The following BET1 variants were observed in gnomAD, a reference collection of about 807,000 sequenced individuals.
BET1 encodes BET1 homolog.
A neutral mutation model predicts 13.9 loss-of-function variants in BET1; 9 were observed. The observed-to-expected ratio is 0.65, with a 90% CI of 0.39 to 1.13. The LOEUF (loss-of-function observed/expected upper bound fraction) is 1.13, where lower values mean the gene tolerates loss of function less well. Among genes scored for constraint, BET1 ranks in the 50% most tolerant of loss-of-function variants. BET1 has a pLI of 0.01. For synonymous variants in BET1, 39 were observed against 47.3 expected, an observed-to-expected ratio of 0.82 and a Z score of 0.72; for missense variants, 127 against 133.6, an observed-to-expected ratio of 0.95 and a Z score of 0.24.
Position 94,004,327 on chromosome 7 carries a change from T to C in BET1, c.-111A>G. 3 of 1,448,522 alleles carry C rather than the reference T, an allele frequency of 2.1e-6. No individual in the cohort carries two copies. The South Asian group carries it at 3.4e-5, about 17-fold the overall frequency. The allele number at this position is 1,448,522 out of a possible 1,614,324, so 89.7% of individuals were successfully genotyped here. ...TACCAGGGCCCAGCGAAACACCAAC[T>C]TCTTCCCCTAAAGCGCCACGACATC... On this transcript the variant is annotated 5_prime_UTR_variant, in exon 1 of 4. Coordinates refer to ENST00000222547, the MANE Select transcript of BET1 (RefSeq NM_005868.6).
chr7:93,980,340 C>T (rs768152321), intron 4 of BET1, among the ~76,000 whole-genome samples: 1 of 152,218 alleles, frequency 6.6e-6, no homozygotes, highest in Non-Finnish European at 1.5e-5. Flanking sequence ...CAACAACAAA[C>T]AACTATAGGC....
rs1795973333 is a variant in BET1 at position 94,004,076 on chromosome 7, C to T, written c.19+122G>A. 3.6e-6 allele frequency: 5 copies of T among 1,392,470 alleles called. No individual in the cohort carries two copies. In the African/African-American group the frequency reaches 4.3e-5, roughly 12 times the overall value. 86.3% of individuals were successfully genotyped at this position (1,392,470 alleles called of 1,614,324 possible). A position where few individuals can be genotyped will look rare whatever the true frequency, so the allele number is the denominator to read the frequency against. On this transcript the variant is annotated intron_variant, in intron 1 of 3. Transcript: ENST00000222547. ...CCACTCGACATGGACCCCAAAGATC[C>T]CCTCTAGACATCCTGTTTTTTGGAC...
exon 7 of BET1, chr7:93,963,463 T>C (rs1015057828): frequency 1.3e-4 from 20 of 152,052 alleles, no homozygotes; most frequent in African/African-American, 4.8e-4. Context: ...TGACATACTA[T>C]ATATTTTATT....
intron 5 of BET1, among the ~76,000 whole-genome samples, chr7:93,974,437 T>C (rs552130003): frequency 1.2e-4 from 18 of 152,036 alleles, no homozygotes; most frequent in Non-Finnish European, 2.6e-4. Context: ...GATAAGACTT[T>C]AGCCCCATGC....
At chr7:93,975,785 G>A (rs937742909) in intron 5 of BET1, 1 of 391,762 alleles carries the variant, frequency 2.6e-6, no homozygotes, top group Non-Finnish European at 3.7e-6. Context: ...TTTCTCTTGA[G>A]TAATTGAAGA....
At chr7:93,976,069 A>G (rs1163886306) in exon 5 of BET1, 11 of 1,266,472 alleles carry the variant, frequency 8.7e-6, no homozygotes, top group African/African-American at 1.5e-5. Flanking sequence ...TTTCACTGCT[A>G]CTGGTGAAAT....
At chr7:93,971,873 TAAATGCTTTATTAAATG>T (rs1031231013) in intron 6 of BET1, among the ~76,000 whole-genome samples, 16 of 151,416 alleles carry the variant, frequency 1.1e-4, no homozygotes, top group Non-Finnish European at 1.9e-4. Context: ...AAGGTGCAGA[TAAATGCTTTATTAAATG>T]AAATGCTTTT....
intron 3 of BET1, 103 bp from the exon 4 acceptor site, chr7:93,994,488 G>T: frequency 7.9e-7 from 1 of 1,258,590 alleles, no homozygotes; most frequent in South Asian, 1.7e-5. Context: ...CATTTGTAAT[G>T]ACAGTTTTGT....
rs775325211 is a variant in BET1, at chr7:93,999,204, T to C, written c.110A>G (p.Glu37Gly). ...ACEEENERLT[E>G]SLRSKVTAIK... ...AGCAGTTACTTTGCTTCTCAGACTT[T>C]CAGTGAGCCTCTCATTTTCTTCTTC... The change falls in exon 2 of 4, where the codon GAA (glutamate) becomes GGA (glycine). Residue 37 changes from glutamate (E) to glycine (G), a missense_variant. Coordinates refer to ENST00000222547, the MANE Select transcript of BET1 (RefSeq NM_005868.6). 1 of 1,613,306 alleles carries C rather than the reference T, an allele frequency of 6.2e-7. No individual in the cohort carries two copies. The highest frequency in any genetic ancestry group is 8.5e-7 in the Non-Finnish European group (1 of 1,179,498).
At chr7:93,975,973 G>A (rs1795328673) in exon 5 of BET1, 1 of 1,274,502 alleles carries the variant, frequency 7.8e-7, no homozygotes, top group African/African-American at 1.5e-5. Flanking sequence ...TTCTGCAGCT[G>A]TGATAGATGG....
exon 7 of BET1, chr7:93,963,078 C>G (rs1213878468): frequency 6.6e-6 from 1 of 152,126 alleles, no homozygotes; most frequent in African/African-American, 2.4e-5. Flanking sequence ...GCCCATGTCA[C>G]AGATGCTCAT....
In BET1 at chr7:93,993,694, A is replaced by G; in HGVS notation, c.*536T>C. 1.5e-6 allele frequency: 2 copies of G among 1,350,542 alleles called. No individual in the cohort carries two copies. The highest frequency in any genetic ancestry group is 1.9e-6 in the Non-Finnish European group (2 of 1,057,404). The allele number at this position is 1,350,542 out of a possible 1,614,324, so 83.7% of individuals were successfully genotyped here. A position where few individuals can be genotyped will look rare whatever the true frequency, so the allele number is the denominator to read the frequency against. ...CAGAAAGAAATGAGGGGTCATTATC[A>G]TCAAAAATTATTAGGAAGATTGTAG... On this transcript the variant is annotated 3_prime_UTR_variant, in exon 4 of 4. Coordinates refer to ENST00000222547, the MANE Select transcript of BET1 (RefSeq NM_005868.6).
At chr7:93,969,287 A>G (rs551186843) in intron 6 of BET1, among the ~76,000 whole-genome samples, 207 of 151,940 alleles carry the variant, frequency 1.4e-3, no homozygotes, top group African/African-American at 4.7e-3. Flanking sequence ...TCATTTATCA[A>G]TTTGTTAATA....
chr7:93,992,535 C>A (rs981417130), downstream of BET1: 1 of 985,210 alleles, frequency 1.0e-6, no homozygotes, highest in African/African-American at 1.7e-5. Flanking sequence ...TCTGGTGTCA[C>A]ATACTTGACA....
chr7:93,996,143 G>C (rs766178655), intron 3 of BET1, 122 bp downstream of exon 3: 5 of 743,446 alleles, frequency 6.7e-6, no homozygotes. Context: ...AAACACATTA[G>C]ATACAAATGG....
At position 93,994,191 on chromosome 7, in the gene BET1, A is replaced by G. The variant is rs1165074607; in HGVS notation, c.*39T>C. The stretch of plus-strand genomic sequence containing the variant: ...TTTTATCAAAGTGGTACTGCAAGCC[A>G]TTAAGTTGGAACAAATTCCAAATTC... On this transcript the variant is annotated 3_prime_UTR_variant, in exon 4 of 4. Coordinates refer to ENST00000222547, the MANE Select transcript of BET1 (RefSeq NM_005868.6). The G allele has an allele frequency of 6.4e-7, 1 of 1,574,140 alleles. No homozygotes were observed. Among genetic ancestry groups the G allele is most frequent in the South Asian group, 1.2e-5 (1 of 84,582 alleles).
At chr7:93,994,935 C>G (rs986598216) in intron 3 of BET1, among the ~76,000 whole-genome samples, 5 of 152,212 alleles carry the variant, frequency 3.3e-5, no homozygotes, top group African/African-American at 4.8e-5. Flanking sequence ...TCTCTGCCTC[C>G]CAGGTTCAAG....
Position 93,993,669 on chromosome 7 carries a change from C to T in BET1, c.*561G>A, listed in dbSNP as rs1795689035. On this transcript the variant is annotated 3_prime_UTR_variant, in exon 4 of 4. Coordinates refer to ENST00000222547, the MANE Select transcript of BET1 (RefSeq NM_005868.6). ...TTATTTAAAGAATGAGGTCTTTGGGCAGAAAGAAATGAGGGGTCATTATCA... is the reference window on the plus strand; with the variant it reads ...TTATTTAAAGAATGAGGTCTTTGGGTAGAAAGAAATGAGGGGTCATTATCA... 2 of 1,319,060 alleles carry T rather than the reference C, an allele frequency of 1.5e-6. No individual in the cohort carries two copies. The highest frequency in any genetic ancestry group is 1.5e-5 in the African/African-American group (1 of 66,090). The allele number at this position is 1,319,060 out of a possible 1,614,324, so 81.7% of individuals were successfully genotyped here.
At chr7:93,991,843 T>G (rs1795643400), downstream of BET1, 2 of 966,318 alleles carry the variant, frequency 2.1e-6, no homozygotes, top group Non-Finnish European at 1.2e-6. Context: ...ATTTATTGAC[T>G]GCATAAACCC....
Sources: allele counts gnomAD v4.1 joint callset (sites outside exome capture counted in the v4.1 genomes callset), GRCh38; gene constraint gnomAD v4.1.1; transcripts MANE v1.5; gene names NCBI Gene and HGNC (gene_info 2026-07-23, HGNC 2026-07-21).